The following SASH1 variants were observed in gnomAD, a reference collection of about 807,000 sequenced individuals.
SASH1 encodes SAM and SH3 domain containing 1.
A neutral mutation model predicts 125.2 loss-of-function variants in SASH1; 44 were observed. That is an observed-to-expected ratio of 0.35 (90% confidence interval 0.28 to 0.45). The LOEUF is 0.45. Ranked by LOEUF, SASH1 falls within the 20% of genes least tolerant of loss-of-function variation. SASH1 has a pLI of 1.00. For synonymous variants in SASH1, 639 were observed against 649.1 expected (o/e 0.98, Z 0.24); for missense variants, 1,426 against 1,614.5 (o/e 0.88, Z 2.00).
At chr6:148,302,614 G>A (rs9485274) in intron 1 of SASH1, among the ~76,000 whole-genome samples, 2,670 of 124,128 alleles carry the variant, frequency 0.022, 74 homozygotes, top group African/African-American at 0.076. Context: ...ACACACACAC[G>A]CAGAAATCAT....
At chr6:148,387,141 T>G (rs1176859725) in intron 1 of SASH1, among the ~76,000 whole-genome samples, 2 of 143,594 alleles carry the variant, frequency 1.4e-5, no homozygotes, top group African/African-American at 5.1e-5. Context: ...TTTTGAGGTG[T>G]AATTTTGCTC....
At chr6:148,225,793 C>A in the SASH1 span, among the ~76,000 whole-genome samples, 1 of 152,214 alleles carries the variant, frequency 6.6e-6, no homozygotes, top group Admixed American at 6.5e-5. Context: ...TACTGTCTTT[C>A]TGGTCTTTCT....
At chr6:148,403,102 T>C (rs2114876125) in intron 2 of SASH1, among the ~76,000 whole-genome samples, 1 of 152,246 alleles carries the variant, frequency 6.6e-6, no homozygotes, top group Admixed American at 6.5e-5. Flanking sequence ...TGCCAAATCT[T>C]CCCTGGCCAC....
At chr6:148,498,655 GATATGCCACATTTCC>G (rs1779423453) in intron 8 of SASH1, among the ~76,000 whole-genome samples, 2 of 152,114 alleles carry the variant, frequency 1.3e-5, no homozygotes, top group Admixed American at 6.6e-5. Flanking sequence ...TACCACAGAG[GATATGCCACATTTCC>G]CCTGCTAGCT....
chr6:148,365,534 A>C (rs1782415180), intron 1 of SASH1, among the ~76,000 whole-genome samples: 1 of 151,776 alleles, frequency 6.6e-6, no homozygotes, highest in African/African-American at 2.4e-5. Context: ...ATTCTTGCCC[A>C]CCTCATGACC....
the SASH1 span, among the ~76,000 whole-genome samples, chr6:148,222,999 G>A: frequency 6.6e-6 from 1 of 152,188 alleles, no homozygotes; most frequent in Non-Finnish European, 1.5e-5. Context: ...CTGAGTCTCA[G>A]ATGGACAGTA....
At chr6:148,283,728 C>T (rs111565653) in intron 1 of SASH1, among the ~76,000 whole-genome samples, 2,178 of 151,990 alleles carry the variant, frequency 0.014, 42 homozygotes, top group African/African-American at 0.049. Flanking sequence ...GAGCCAAGAT[C>T]GCACCACTAC....
chr6:148,279,311 A>G (rs138640918), intron 1 of SASH1, among the ~76,000 whole-genome samples: 1 of 152,160 alleles, frequency 6.6e-6, no homozygotes, highest in Non-Finnish European at 1.5e-5. Flanking sequence ...ATCTTTAAGA[A>G]ACTGTATTTA....
Position 148,485,128 on chromosome 6 carries a change from C to T in SASH1, c.628-2486C>T, listed in dbSNP as rs1778787974. ...AAATTTGTACCTGTTTTCCTTAAAG[C>T]TGAAAGTTATTTAGTGGCTCCTAGG... On this transcript the variant is annotated intron_variant, in intron 7 of 19. Coordinates refer to ENST00000367467, the MANE Select transcript of SASH1 (RefSeq NM_015278.5). Among the ~76,000 whole-genome samples, 3 of 152,042 alleles carry T rather than the reference C, an allele frequency of 2.0e-5. No homozygotes were observed. The South Asian group carries it at 6.2e-4, about 32-fold the overall frequency.
rs1562326113 is a variant in SASH1 at position 148,326,337 on chromosome 6, T to TATATATATATATATATATATATGC, written n.74+53980_74+53981insATGCATATATATATATATATATAT. Among the ~76,000 whole-genome samples the TATATATATATATATATATATATGC allele has an allele frequency of 7.8e-5, 6 of 77,322 alleles. 1 individual carries two copies. The highest frequency in any genetic ancestry group is 1.5e-4 in the Non-Finnish European group (6 of 41,200). The allele number at this position is 77,322 out of a possible 152,430, so 50.7% of individuals were successfully genotyped here. The stretch of plus-strand genomic sequence containing the variant: ...GCCACCGCATGCATATATATATATA[T>TATATATATATATATATATATATGC]ATATATATATATATATATATGCATA... On this transcript the variant is annotated intron_variant and non_coding_transcript_variant, in intron 1 of 3. Transcript: ENST00000367469.
Position 148,533,669 on chromosome 6 carries a change from G to A in SASH1, c.1735-102G>A. 8.9e-7 allele frequency: 1 copy of A among 1,122,936 alleles called. No homozygotes were observed. The highest frequency in any genetic ancestry group is 1.3e-6 in the Non-Finnish European group (1 of 772,330). The allele number at this position is 1,122,936 out of a possible 1,614,324, so 69.6% of individuals were successfully genotyped here. A position where few individuals can be genotyped will look rare whatever the true frequency, so the allele number is the denominator to read the frequency against. On this transcript the variant is annotated intron_variant, in intron 14 of 19. Coordinates refer to ENST00000367467, the MANE Select transcript of SASH1 (RefSeq NM_015278.5). This position sits in a 1 kb window ranked among gnomAD's most constrained non-coding sequence, Gnocchi z 6.2. ...TTGTGGGACCCCGATTCTGGCCTTT[G>A]TGGCATCTTCACTTCTGCATGACCT...
chr6:148,543,523 A>G (rs892119004), intron 17 of SASH1, among the ~76,000 whole-genome samples, 157 bp from the exon 18 acceptor site: 5 of 152,162 alleles, frequency 3.3e-5, no homozygotes, highest in African/African-American at 7.2e-5. Flanking sequence ...ATAACCCTCT[A>G]TCACCCGATG....
At chr6:148,456,361 C>T (rs1180193894) in intron 4 of SASH1, among the ~76,000 whole-genome samples, 1 of 152,220 alleles carries the variant, frequency 6.6e-6, no homozygotes, top group Non-Finnish European at 1.5e-5. Context: ...CCCATTCTCA[C>T]AGCAGCTCTT....
chr6:148,514,952 C>T lies in SASH1; in HGVS notation c.862+496C>T, dbSNP rs116467277. Among the ~76,000 whole-genome samples the T allele has an allele frequency of 2.8e-3, 427 of 152,270 alleles. 1 individual carries two copies. Among genetic ancestry groups the T allele is most frequent in the African/African-American group, 9.8e-3 (407 of 41,540 alleles). On this transcript the variant is annotated intron_variant, in intron 9 of 19. Transcript: ENST00000367467. ...CTGTAGAGAGTCTCAAGTCTCAATT[C>T]AAATGGGGGCTTTAAGGACCTAGGA...
Position 148,544,614 on chromosome 6 carries a change from G to A in SASH1, c.3144G>A (p.Ala1048=), listed in dbSNP as rs772707943. The A allele has an allele frequency of 5.5e-5, 88 of 1,613,146 alleles. No individual in the cohort carries two copies. The highest frequency in any genetic ancestry group is 1.7e-4 in the Middle Eastern group (1 of 6,060). ...CTCCCAGGCCTCTCTCAGGGCAGGC[G>A]CCTGGCAGCCCACCAAGCACAAGGC... ...ALAPRPLSGQ[A]PGSPPSTRPP... The change falls in exon 18 of 20, where the codon GCG becomes GCA. Residue 1048 remains alanine, a synonymous_variant. Transcript: ENST00000367467. This position sits in a 1 kb window ranked among gnomAD's most constrained non-coding sequence, Gnocchi z 6.4.
chr6:148,390,037 C>T, intron 1 of SASH1, 97 bp from the exon 2 acceptor site: 9 of 1,394,224 alleles, frequency 6.5e-6, no homozygotes, highest in Non-Finnish European at 8.9e-6. Context: ...AAATACCAAC[C>T]TTTATTACTA....
intron 4 of SASH1, among the ~76,000 whole-genome samples, chr6:148,456,888 T>C (rs975840253): frequency 1.3e-5 from 2 of 148,960 alleles, no homozygotes; most frequent in Admixed American, 1.3e-4. Context: ...ATAATAATAA[T>C]AATAATAATA....
At chr6:148,254,863 C>T in the SASH1 span, among the ~76,000 whole-genome samples, 4 of 151,976 alleles carry the variant, frequency 2.6e-5, no homozygotes, top group Non-Finnish European at 5.9e-5. Flanking sequence ...GATATATACT[C>T]AAGACAAATG....
At chr6:148,211,943 A>G in the SASH1 span, among the ~76,000 whole-genome samples, 1 of 152,106 alleles carries the variant, frequency 6.6e-6, no homozygotes, top group Non-Finnish European at 1.5e-5. Flanking sequence ...CCTCAAGAGG[A>G]TTTGCTGCGT....
Sources: gnomAD v4.1 joint callset for allele counts (sites outside exome capture counted in the v4.1 genomes callset) on GRCh38, gnomAD v4.1.1 for gene constraint, Gnocchi (gnomAD v3.1) non-coding constraint, MANE v1.5 for transcripts, NCBI Gene and HGNC (gene_info 2026-07-23, HGNC 2026-07-21) for gene names.